The following KCNJ16 variants were observed in gnomAD, a reference collection of about 807,000 sequenced individuals.
KCNJ16 encodes inward rectifier potassium channel 16.
A neutral mutation model predicts 18.5 loss-of-function variants in KCNJ16; 15 were observed. The ratio of observed to expected loss-of-function variants is 0.81; its 90% CI spans 0.54 to 1.25. The LOEUF is 1.25. Ranked by LOEUF, KCNJ16 falls within the 50% of genes most tolerant of loss-of-function variation. The pLI, the probability that KCNJ16 is intolerant of heterozygous loss-of-function variation, is 0.00. For synonymous variants in KCNJ16, 174 were observed against 186.5 expected (o/e 0.93, Z 0.55); for missense variants, 523 against 525.7 (o/e 0.99, Z 0.05).
chr17:70,077,480 G>C (rs1212508265), intron 1 of KCNJ16, among the ~76,000 whole-genome samples: 1 of 152,160 alleles, frequency 6.6e-6, no homozygotes, highest in East Asian at 1.9e-4. Context: ...GCTGTGCTGA[G>C]GCTAACAATA....
Position 70,132,290 on chromosome 17 carries a change from C to A in KCNJ16, c.203C>A (p.Thr68Asn). 6.2e-7 allele frequency: 1 copy of A among 1,614,170 alleles called. No individual in the cohort carries two copies. Among genetic ancestry groups the A allele is most frequent in the Middle Eastern group, 1.6e-4 (1 of 6,062 alleles). The change falls in exon 4 of 4, where the codon ACC becomes AAC. Residue 68 changes from threonine to asparagine, a missense_variant. Transcript: ENST00000392671. ...GACATCTTCACCACTCTTGTGGACACCAAGTGGCGCCATATGTTTGTGATA... is the reference window on the plus strand; with the variant it reads ...GACATCTTCACCACTCTTGTGGACAACAAGTGGCGCCATATGTTTGTGATA... ...VVDIFTTLVDTKWRHMFVIFS... is the reference protein window; with the variant it reads ...VVDIFTTLVDNKWRHMFVIFS...
At chr17:70,095,155 T>C (rs1479991799) in intron 1 of KCNJ16, among the ~76,000 whole-genome samples, 2 of 152,256 alleles carry the variant, frequency 1.3e-5, no homozygotes, top group East Asian at 3.8e-4. Context: ...GGCTATAGGC[T>C]TAAGAAACAT....
intron 2 of KCNJ16, among the ~76,000 whole-genome samples, chr17:70,103,937 CT>C (rs71149820): frequency 7.9e-4 from 104 of 131,968 alleles, no homozygotes; most frequent in East Asian, 1.5e-3. Flanking sequence ...ATTTTATTAT[CT>C]TTTTTTTTTT....
intron 1 of KCNJ16, among the ~76,000 whole-genome samples, chr17:70,076,025 G>C (rs1307722050): frequency 1.3e-5 from 2 of 151,454 alleles, no homozygotes; most frequent in Non-Finnish European, 2.9e-5. Context: ...TATTTAGTCA[G>C]AAAAGTGTGA....
intron 2 of KCNJ16, chr17:70,128,109 A>T (rs1053093222): frequency 2.0e-5 from 3 of 152,236 alleles, no homozygotes; most frequent in Non-Finnish European, 4.4e-5. Flanking sequence ...GCAAAATGGC[A>T]GAGGAATTGC....
intron 1 of KCNJ16, among the ~76,000 whole-genome samples, chr17:70,095,211 T>C (rs1191930934): frequency 1.3e-5 from 2 of 152,234 alleles, no homozygotes; most frequent in Non-Finnish European, 2.9e-5. Context: ...CACCATACTA[T>C]GTTTTTTATC....
rs143575404 is a variant in KCNJ16 at position 70,132,888 on chromosome 17, C to T, written c.801C>T (p.Asp267=). The change falls in exon 4 of 4, where the codon GAC becomes GAT. Residue 267 remains aspartate (D), a synonymous_variant. Transcript: ENST00000392671. ...IDHESPLYAL[D]RKAVAKDNFE... is the part of the protein sequence containing the mutation. ...ATGAGAGCCCTCTGTATGCCCTTGA[C>T]CGCAAAGCAGTAGCCAAAGATAACT... The T allele has an allele frequency of 4.9e-4, 783 of 1,614,138 alleles. 5 individuals carry two copies. The Middle Eastern group carries it at 6.8e-3, about 14-fold the overall frequency.
intron 2 of KCNJ16, among the ~76,000 whole-genome samples, chr17:70,120,867 G>A (rs116952662): frequency 6.6e-6 from 1 of 152,202 alleles, no homozygotes; most frequent in Non-Finnish European, 1.5e-5. Flanking sequence ...AGGAGAAAGT[G>A]TATATGCATT....
chr17:70,130,301 T>G (rs772447484), intron 2 of KCNJ16, among the ~76,000 whole-genome samples: 2 of 152,180 alleles, frequency 1.3e-5, no homozygotes, highest in Non-Finnish European at 2.9e-5. Flanking sequence ...ATATTTTACA[T>G]TGGACCTTCC....
chr17:70,102,050 A>T (rs995603362), intron 2 of KCNJ16: 1 of 152,092 alleles, frequency 6.6e-6, no homozygotes, highest in Non-Finnish European at 1.5e-5. Context: ...TGATTGAATT[A>T]TTCATTTTCA....
chr17:70,115,893 A>T (rs2073382842), intron 2 of KCNJ16, among the ~76,000 whole-genome samples: 1 of 152,192 alleles, frequency 6.6e-6, no homozygotes, highest in Admixed American at 6.5e-5. Flanking sequence ...TGTCTGTACG[A>T]CTGTCTGCCT....
chr17:70,112,114 T>C (rs980097248), intron 2 of KCNJ16, among the ~76,000 whole-genome samples: 2 of 152,188 alleles, frequency 1.3e-5, no homozygotes, highest in South Asian at 2.1e-4. Context: ...GTTGCCACAC[T>C]CAGGTGCCCC....
intron 1 of KCNJ16, among the ~76,000 whole-genome samples, chr17:70,092,523 TACATAGAC>T (rs59895797): frequency 0.26 from 32,003 of 123,920 alleles, 5,408 homozygotes; most frequent in East Asian, 0.37. Flanking sequence ...GATAGATAGA[TACATAGAC>T]AGATAGATAT....
At chr17:70,109,355 G>C (rs2073083944) in intron 2 of KCNJ16, among the ~76,000 whole-genome samples, 1 of 152,120 alleles carries the variant, frequency 6.6e-6, no homozygotes, top group African/African-American at 2.4e-5. Context: ...TGCCTGGCAT[G>C]TAAGAAGTGT....
At chr17:70,119,514 C>T (rs1397355022) in intron 2 of KCNJ16, among the ~76,000 whole-genome samples, 6 of 152,222 alleles carry the variant, frequency 3.9e-5, no homozygotes, top group Non-Finnish European at 8.8e-5. Flanking sequence ...AAGAGGCTAC[C>T]AAGCCTCATA....
intron 2 of KCNJ16, among the ~76,000 whole-genome samples, chr17:70,119,098 C>A (rs117306018): frequency 5.7e-4 from 87 of 152,296 alleles, no homozygotes; most frequent in Non-Finnish European, 1.1e-3. Context: ...CTTAGCAGGG[C>A]AGTCATAAAA....
chr17:70,083,546 T>A (rs1247604693), intron 1 of KCNJ16, among the ~76,000 whole-genome samples: 1 of 152,118 alleles, frequency 6.6e-6, no homozygotes, highest in African/African-American at 2.4e-5. Flanking sequence ...ATGTACAGCA[T>A]TCAGTACAGT....
chr17:70,130,960 A>G lies in KCNJ16; in HGVS notation c.-109A>G, dbSNP rs748004326. 2 of 1,535,428 alleles carry G rather than the reference A, an allele frequency of 1.3e-6. No individual in the cohort carries two copies. The highest frequency in any genetic ancestry group is 1.7e-6 in the Non-Finnish European group (2 of 1,146,428). On this transcript the variant is annotated 5_prime_UTR_variant, in exon 3 of 4. An upstream start codon of the reference 5' UTR is lost. Transcript: ENST00000392671. ...GGGAAATCCTTTGGCCTATTATACC[A>G]TGGATGCTAAAAATGGTAAGAGCTG...
intron 2 of KCNJ16, among the ~76,000 whole-genome samples, chr17:70,110,544 C>T (rs1697248409): frequency 6.6e-6 from 1 of 151,994 alleles, no homozygotes; most frequent in African/African-American, 2.4e-5. Context: ...AGAGCTAGTT[C>T]TTCAGTAAGA....
Sources: allele counts gnomAD v4.1 joint callset (sites outside exome capture counted in the v4.1 genomes callset), GRCh38; gene constraint gnomAD v4.1.1; transcripts MANE v1.5; gene names NCBI Gene and HGNC (gene_info 2026-07-23, HGNC 2026-07-21).